Variants in FER observed in about 807,000 individuals in gnomAD.
FER encodes tyrosine-protein kinase Fer.
In FER, 63 loss-of-function variants were observed where a neutral mutation model predicts 111.0. The ratio of observed to expected loss-of-function variants is 0.57; its 90% CI spans 0.46 to 0.70. The LOEUF (loss-of-function observed/expected upper bound fraction) is 0.70. Among genes scored for constraint, FER ranks in the 30% least tolerant of loss-of-function variants. The pLI, the probability that FER is intolerant of heterozygous loss-of-function variation, is 0.00. For missense variants in FER, 914 were observed against 954.0 expected, an observed-to-expected ratio of 0.96 and a Z score of 0.55; for synonymous variants, 327 against 313.9, an observed-to-expected ratio of 1.04 and a Z score of -0.44.
At chr5:108,990,689 G>GA (rs1346418520) in intron 13 of FER, among the ~76,000 whole-genome samples, 1 of 151,590 alleles carries the variant, frequency 6.6e-6, no homozygotes, top group East Asian at 1.9e-4. Flanking sequence ...GAGAGACACA[G>GA]AAAATACATC....
At chr5:108,894,505 T>A (rs941306031) in intron 9 of FER, 7 of 397,786 alleles carry the variant, frequency 1.8e-5, no homozygotes, top group Admixed American at 1.1e-4. Flanking sequence ...ATGACACTGA[T>A]ATTAGTTAGT....
chr5:108,857,122 C>G (rs1763081701), intron 5 of FER, among the ~76,000 whole-genome samples: 1 of 152,028 alleles, frequency 6.6e-6, no homozygotes, highest in African/African-American at 2.4e-5. Context: ...TTGCTTTATG[C>G]TTTTCTGTCT....
At chr5:108,838,855 T>G (rs776519494) in intron 5 of FER, among the ~76,000 whole-genome samples, 11 of 152,184 alleles carry the variant, frequency 7.2e-5, no homozygotes, top group Non-Finnish European at 1.3e-4. Flanking sequence ...GTGTGGTATG[T>G]TGAGGGAGCA....
chr5:109,187,346 A>G, intron 19 of FER, 87 bp from the exon 20 acceptor site: 5 of 1,404,762 alleles, frequency 3.6e-6, no homozygotes, highest in Non-Finnish European at 4.9e-6. Flanking sequence ...TAAGGTACCA[A>G]AAGTTAATAA....
At position 108,825,859 on chromosome 5, in the gene FER, C is replaced by T. The variant is rs189371937; in HGVS notation, c.208-6911C>T. The stretch of plus-strand genomic sequence containing the variant: ...CCTCCATTTGGGGTCCCTGACTTCC[C>T]GCAACACAAGATCCTGTCTATTGTA... On this transcript the variant is annotated intron_variant, in intron 3 of 19. Transcript: ENST00000281092. Among the ~76,000 whole-genome samples the T allele has an allele frequency of 1.8e-3, 272 of 152,296 alleles. 3 individuals carry two copies. The highest frequency in any genetic ancestry group is 6.8e-3 in the Middle Eastern group (2 of 294).
intron 5 of FER, among the ~76,000 whole-genome samples, chr5:108,845,016 A>ATATG (rs1321537512): frequency 1.9e-5 from 1 of 52,754 alleles, no homozygotes; most frequent in Non-Finnish European, 3.7e-5. Flanking sequence ...ATATATATAT[A>ATATG]TATATATATA....
intron 9 of FER, among the ~76,000 whole-genome samples, chr5:108,891,772 G>T (rs553797163): frequency 1.3e-5 from 2 of 151,326 alleles, no homozygotes; most frequent in African/African-American, 4.9e-5. Context: ...CCAGTAACTC[G>T]TCATTTAACA....
chr5:109,085,030 T>C (rs1269697678), intron 16 of FER, among the ~76,000 whole-genome samples: 1 of 151,896 alleles, frequency 6.6e-6, no homozygotes, highest in East Asian at 1.9e-4. Flanking sequence ...CACAGTTTGT[T>C]CTTCTGCAAC....
At chr5:108,998,055 C>T (rs1202095343) in intron 13 of FER, among the ~76,000 whole-genome samples, 1 of 151,988 alleles carries the variant, frequency 6.6e-6, no homozygotes, top group Non-Finnish European at 1.5e-5. Context: ...GCCAGTGGAT[C>T]TTAGCTTGCC....
At chr5:108,885,877 T>A (rs1170150946) in intron 9 of FER, among the ~76,000 whole-genome samples, 1 of 151,952 alleles carries the variant, frequency 6.6e-6, no homozygotes, top group African/African-American at 2.4e-5. Flanking sequence ...ATTTTTAGTA[T>A]TGCATTAACA....
At chr5:109,044,943 G>A (rs1417602016) in intron 15 of FER, 148 bp downstream of exon 15, 4 of 473,224 alleles carry the variant, frequency 8.5e-6, no homozygotes, top group Non-Finnish European at 1.5e-5. Flanking sequence ...GTGCTTTTGT[G>A]ATATTCTGCA....
At position 108,883,422 on chromosome 5, in the gene FER, T is replaced by C. The variant is rs1454761319; in HGVS notation, c.950T>C (p.Met317Thr). The C allele has an allele frequency of 6.2e-7, 1 of 1,608,010 alleles. No individual in the cohort carries two copies. The highest frequency in any genetic ancestry group is 8.5e-7 in the Non-Finnish European group (1 of 1,176,386). The change falls in exon 9 of 20, where the codon ATG becomes ACG. Residue 317 changes from methionine to threonine, a missense_variant. By Grantham distance (81) the Met-to-Thr change is moderately conservative. Transcript: ENST00000281092. Reference protein sequence around the residue: ...VMLKTLAEELMQTQQMLLNKE... With the variant: ...VMLKTLAEELTQTQQMLLNKE... ...TTGAAAACGTTAGCGGAAGAACTTA[T>C]GCAAACACAGCAGATGCTTTTAAAC...
intron 17 of FER, among the ~76,000 whole-genome samples, chr5:109,148,133 A>G (rs1754441034): frequency 6.6e-6 from 1 of 151,930 alleles, no homozygotes; most frequent in Non-Finnish European, 1.5e-5. Context: ...TTAATAGTTC[A>G]CTTACCTGGG....
chr5:108,966,571 A>G (rs1581430741), intron 13 of FER, among the ~76,000 whole-genome samples: 1 of 151,940 alleles, frequency 6.6e-6, no homozygotes, highest in African/African-American at 2.4e-5. Flanking sequence ...TGTTTTTAGT[A>G]GAGACGGGGT....
intron 12 of FER, among the ~76,000 whole-genome samples, chr5:108,955,798 T>C (rs1758347601): frequency 6.6e-6 from 1 of 151,790 alleles, no homozygotes; most frequent in Non-Finnish European, 1.5e-5. Context: ...ACTTGAGGGC[T>C]TAGATAACTT....
At chr5:109,119,187 T>C (rs1320812993) in intron 17 of FER, among the ~76,000 whole-genome samples, 9 of 152,252 alleles carry the variant, frequency 5.9e-5, no homozygotes, top group East Asian at 5.8e-4. Flanking sequence ...TGAATGTGTC[T>C]CAGAGATTCT....
At chr5:108,798,436 T>A in intron 3 of FER, 47 bp downstream of exon 3, 1 of 1,444,264 alleles carries the variant, frequency 6.9e-7, no homozygotes, top group Non-Finnish European at 9.6e-7. Flanking sequence ...ATTATAATTG[T>A]CCTTAAAATG....
At chr5:108,841,738 C>A in intron 5 of FER, 1 of 284,758 alleles carries the variant, frequency 3.5e-6, no homozygotes, top group South Asian at 3.3e-5. Context: ...TTTGTACCAT[C>A]AGGTGAGAGT....
rs1218181827 is a variant in FER, at chr5:109,193,102, C to G, written c.*5527C>G. On this transcript the variant is annotated 3_prime_UTR_variant, in exon 20 of 20. Transcript: ENST00000281092. ...GTGTGTCCTTAAACAGTGCGTGCCT[C>G]TTAAGTCTCTACAACACTTTTTTAA... is the stretch of plus-strand genomic sequence containing the variant. 1 of 152,200 alleles carries G rather than the reference C, an allele frequency of 6.6e-6. No individual in the cohort carries two copies. The highest frequency in any genetic ancestry group is 1.5e-5 in the Non-Finnish European group (1 of 68,046). 9.4% of individuals were successfully genotyped at this position (152,200 alleles called of 1,614,324 possible).
Sources: allele counts gnomAD v4.1 joint callset (sites outside exome capture counted in the v4.1 genomes callset), GRCh38; gene constraint gnomAD v4.1.1; transcripts MANE v1.5; gene names NCBI Gene and HGNC (gene_info 2026-07-23, HGNC 2026-07-21).